NDST4: variants seen among roughly 807,000 people sequenced by gnomAD.
NDST4 encodes N-deacetylase and N-sulfotransferase 4.
In NDST4, 63 loss-of-function variants were observed where a neutral mutation model predicts 100.8. The ratio of observed to expected loss-of-function variants is 0.62; its 90% confidence interval spans 0.51 to 0.77. The LOEUF is 0.77. Among genes scored for constraint, NDST4 ranks in the 30% least tolerant of loss-of-function variants. The pLI, the probability that NDST4 is intolerant of heterozygous loss-of-function variation, is 0.00. For synonymous variants in NDST4, 377 were observed against 361.8 expected, an observed-to-expected ratio of 1.04 and a Z score of -0.48; for missense variants, 943 against 1,018.4, an observed-to-expected ratio of 0.93 and a Z score of 1.01.
chr4:114,875,372 TA>T (rs960092578), intron 6 of NDST4, among the ~76,000 whole-genome samples: 33 of 152,194 alleles, frequency 2.2e-4, no homozygotes, highest in African/African-American at 8.0e-4. Flanking sequence ...ATTAGAAACA[TA>T]AGCAGTTTTT....
intron 6 of NDST4, among the ~76,000 whole-genome samples, chr4:114,928,051 G>A (rs143983601): frequency 6.6e-6 from 1 of 152,262 alleles, no homozygotes; most frequent in African/African-American, 2.4e-5. Context: ...CCCTTTAAAA[G>A]TCAGCTCTGT....
intron 4 of NDST4, among the ~76,000 whole-genome samples, chr4:114,960,781 G>A (rs1458846357): frequency 2.6e-5 from 4 of 152,106 alleles, no homozygotes; most frequent in African/African-American, 9.7e-5. Flanking sequence ...AAGTAAGGAA[G>A]TAACACCAAA....
chr4:115,083,670 T>A (rs917445475), intron 1 of NDST4, among the ~76,000 whole-genome samples: 1 of 152,106 alleles, frequency 6.6e-6, no homozygotes, highest in African/African-American at 2.4e-5. Context: ...TGGGAGGTAA[T>A]TGAATCATCG....
At chr4:114,953,864 C>A (rs1726078232) in intron 4 of NDST4, among the ~76,000 whole-genome samples, 1 of 152,076 alleles carries the variant, frequency 6.6e-6, no homozygotes, top group Non-Finnish European at 1.5e-5. Context: ...TTTCTATTAA[C>A]TACATGGATA....
At chr4:114,898,398 T>C (rs546354584) in intron 6 of NDST4, among the ~76,000 whole-genome samples, 14 of 152,324 alleles carry the variant, frequency 9.2e-5, no homozygotes, top group African/African-American at 3.4e-4. Context: ...TTTTCTACTA[T>C]CTTCCATTGA....
intron 6 of NDST4, among the ~76,000 whole-genome samples, chr4:114,911,536 G>C (rs1725062186): frequency 6.6e-6 from 1 of 151,940 alleles, no homozygotes; most frequent in South Asian, 2.1e-4. Context: ...TTTTTCTTAT[G>C]TCTCTGTACC....
chr4:114,941,626 C>G (rs1391052700), intron 4 of NDST4, among the ~76,000 whole-genome samples: 1 of 152,092 alleles, frequency 6.6e-6, no homozygotes, highest in Non-Finnish European at 1.5e-5. Flanking sequence ...TGCAAATAAG[C>G]AAGTTTTTTT....
chr4:114,847,845 T>G (rs1476152080), intron 9 of NDST4, among the ~76,000 whole-genome samples: 5 of 152,230 alleles, frequency 3.3e-5, no homozygotes, highest in Non-Finnish European at 5.9e-5. Context: ...AATAAACTAC[T>G]GATTTATTTG....
chr4:114,986,793 C>CATGTATATATATATATAT (rs1560845235), intron 2 of NDST4, among the ~76,000 whole-genome samples: 5 of 91,148 alleles, frequency 5.5e-5, no homozygotes, highest in Non-Finnish European at 8.1e-5. Context: ...TCCAATTATA[C>CATGTATATATATATATAT]ATATATATAT....
chr4:115,035,605 A>C (rs1578472445), intron 2 of NDST4, among the ~76,000 whole-genome samples: 1 of 152,244 alleles, frequency 6.6e-6, no homozygotes, highest in East Asian at 1.9e-4. Flanking sequence ...ATTAAAATAC[A>C]TGCTGTGTTA....
At chr4:114,848,171 A>G in intron 9 of NDST4, 44 bp downstream of exon 9, 4 of 1,529,624 alleles carry the variant, frequency 2.6e-6, no homozygotes, top group Non-Finnish European at 2.7e-6. Context: ...GCAGTGATTG[A>G]GCATGTGTTA....
At chr4:115,044,112 T>C (rs1442598378) in intron 2 of NDST4, among the ~76,000 whole-genome samples, 1 of 152,156 alleles carries the variant, frequency 6.6e-6, no homozygotes, top group Non-Finnish European at 1.5e-5. Context: ...AGGCATTTAT[T>C]CAAATCTTGG....
Position 115,010,375 on chromosome 4 carries a change from T to C in NDST4, c.979-33101A>G, listed in dbSNP as rs543712910. Among the ~76,000 whole-genome samples the C allele has an allele frequency of 3.1e-5, 4 of 129,182 alleles. 2 individuals carry two copies. The East Asian group carries it at 1.0e-3, about 32-fold the overall frequency. 84.7% of individuals were successfully genotyped at this position (129,182 alleles called of 152,430 possible). On this transcript the variant is annotated intron_variant, in intron 2 of 13. Transcript: ENST00000264363. ...GCAGCCATAAAAAAGGATGAGTTCATGTCCTCTGTAAGGACATGGATGAAA... is the reference window on the plus strand; with the variant it reads ...GCAGCCATAAAAAAGGATGAGTTCACGTCCTCTGTAAGGACATGGATGAAA...
intron 11 of NDST4, among the ~76,000 whole-genome samples, chr4:114,837,300 T>C (rs1723325502): frequency 6.6e-6 from 1 of 152,144 alleles, no homozygotes; most frequent in South Asian, 2.1e-4. Context: ...GATGGGGTTT[T>C]TGTGTGGGGG....
intron 2 of NDST4, among the ~76,000 whole-genome samples, chr4:115,010,340 G>A (rs1386492648): frequency 7.8e-6 from 1 of 127,908 alleles, no homozygotes; most frequent in African/African-American, 3.0e-5. Context: ...TATACACCAT[G>A]GAATACTATG....
At chr4:114,963,890 G>A (rs959987013) in intron 4 of NDST4, among the ~76,000 whole-genome samples, 1 of 152,164 alleles carries the variant, frequency 6.6e-6, no homozygotes, top group African/African-American at 2.4e-5. Context: ...CTAGTTAGAT[G>A]TGATAGGCAG....
intron 2 of NDST4, among the ~76,000 whole-genome samples, chr4:115,045,571 T>C (rs1289444127): frequency 1.3e-5 from 2 of 152,108 alleles, no homozygotes; most frequent in African/African-American, 4.8e-5. Flanking sequence ...CTCTTGCTAT[T>C]GTTGAATGCC....
At chr4:114,999,962 C>T (rs778781404) in intron 2 of NDST4, among the ~76,000 whole-genome samples, 8 of 151,866 alleles carry the variant, frequency 5.3e-5, no homozygotes, top group Non-Finnish European at 1.0e-4. Flanking sequence ...ATGTTATTAT[C>T]TTTCAAGAAT....
At chr4:114,848,393 T>C (rs2126187253) in intron 8 of NDST4, 55 bp from the exon 9 acceptor site, 1 of 1,320,604 alleles carries the variant, frequency 7.6e-7, no homozygotes, top group Middle Eastern at 2.3e-4. Flanking sequence ...CAAAATATTA[T>C]TTTAGCATAT....
Sources: gnomAD v4.1 joint callset for allele counts (sites outside exome capture counted in the v4.1 genomes callset) on GRCh38, gnomAD v4.1.1 for gene constraint, MANE v1.5 for transcripts, NCBI Gene and HGNC (gene_info 2026-07-23, HGNC 2026-07-21) for gene names.